The following FREM1 variants were observed in gnomAD, a reference collection of about 807,000 sequenced individuals.
FREM1 encodes the protein FRAS1 related extracellular matrix 1.
FREM1 carries 220 observed loss-of-function variants against 210.1 expected under a neutral mutation model. The ratio of observed to expected loss-of-function variants is 1.05; its 90% CI spans 0.94 to 1.17. FREM1 has a LOEUF of 1.17. FREM1 is among the 50% of genes most tolerant of loss of function. FREM1 has a pLI of 0.00. For synonymous variants in FREM1, 1,189 were observed against 980.2 expected (o/e 1.21, Z -3.98); for missense variants, 3,454 against 2,675.5 (o/e 1.29, Z -6.42).
At chr9:14,744,568 T>C (rs1396330981) in intron 35 of FREM1, among the ~76,000 whole-genome samples, 1 of 152,160 alleles carries the variant, frequency 6.6e-6, no homozygotes, top group Non-Finnish European at 1.5e-5. Context: ...CGCTTCAGTA[T>C]TTTATTCCAT....
At chr9:14,747,624 A>C in intron 32 of FREM1, 57 bp downstream of exon 32, 1 of 1,114,896 alleles carries the variant, frequency 9.0e-7, no homozygotes, top group Non-Finnish European at 1.3e-6. Flanking sequence ...TAATAGCTTC[A>C]TTAAATACTT....
rs185662290 is a variant in FREM1 at position 14,869,164 on chromosome 9, C to T, written c.-187G>A. 7.0e-5 allele frequency: 37 copies of T among 529,248 alleles called. No individual in the cohort carries two copies. The East Asian group carries it at 1.0e-3, about 15-fold the overall frequency. 32.8% of individuals were successfully genotyped at this position (529,248 alleles called of 1,614,324 possible). A position where few individuals can be genotyped will look rare whatever the true frequency, so the allele number is the denominator to read the frequency against. On this transcript the variant is annotated 5_prime_UTR_variant, in exon 2 of 37. Coordinates refer to ENST00000380880, the MANE Select transcript of FREM1 (RefSeq NM_001379081.2). ...CAGACAAGGGGGCCTTTCAGGCAATCCCAGGGCTTTTAATAAAACTCGCTG... is the reference window on the plus strand; with the variant it reads ...CAGACAAGGGGGCCTTTCAGGCAATTCCAGGGCTTTTAATAAAACTCGCTG...
chr9:14,804,836 G>C, intron 19 of FREM1, 120 bp downstream of exon 19: 4 of 659,816 alleles, frequency 6.1e-6, no homozygotes, highest in Non-Finnish European at 1.0e-5. Context: ...ACATAACATA[G>C]CCTTCCCCAC....
intron 1 of FREM1, among the ~76,000 whole-genome samples, chr9:14,881,456 A>T (rs1345897729): frequency 6.6e-6 from 1 of 152,248 alleles, no homozygotes; most frequent in Admixed American, 6.5e-5. Context: ...GTGTTTAATG[A>T]ATTCAAATAT....
chr9:14,790,725 C>T (rs888850353), intron 22 of FREM1: 2 of 152,222 alleles, frequency 1.3e-5, no homozygotes, highest in Admixed American at 6.5e-5. Flanking sequence ...TCCAGGAGGG[C>T]TGGAGTCCTG....
intron 25 of FREM1, among the ~76,000 whole-genome samples, chr9:14,772,712 A>G (rs890384104): frequency 6.6e-6 from 1 of 152,186 alleles, no homozygotes; most frequent in Admixed American, 6.5e-5. Flanking sequence ...TGGGTATTAA[A>G]TTGTCATTGT....
intron 1 of FREM1, among the ~76,000 whole-genome samples, chr9:14,897,048 T>C (rs1837866586): frequency 6.6e-6 from 1 of 152,176 alleles, no homozygotes; most frequent in Non-Finnish European, 1.5e-5. Flanking sequence ...CCTAAGAAAT[T>C]TTATGGTAAA....
At chr9:14,885,054 G>A (rs531864147) in intron 1 of FREM1, among the ~76,000 whole-genome samples, 8,017 of 119,068 alleles carry the variant, frequency 0.067, 1,275 homozygotes, top group African/African-American at 0.25. Flanking sequence ...CCCCCCGAGT[G>A]GCTGGGACTA....
chr9:14,895,130 T>G (rs1488041411), intron 1 of FREM1, among the ~76,000 whole-genome samples: 1 of 152,214 alleles, frequency 6.6e-6, no homozygotes, highest in Non-Finnish European at 1.5e-5. Context: ...TACAAACCCA[T>G]GGCCGGTCTC....
Position 14,770,763 on chromosome 9 carries a change from T to G in FREM1, c.4901A>C (p.His1634Pro). Residue 1634 changes from histidine (H) to proline (P), a missense_variant, in exon 26 of 37, where the codon CAT becomes CCT. Transcript: ENST00000380880. ...CAGGAGCCCCACTTGAGAAGGGGAA[T>G]GCAAGAGTGTGATACGAGGAGCTGT... The part of the protein sequence containing the change: ...DKTAPRITLL[H>P]SPSQVGLLKN... 4 of 1,613,424 alleles carry G rather than the reference T, an allele frequency of 2.5e-6. No homozygotes were observed. The highest frequency in any genetic ancestry group is 3.4e-6 in the Non-Finnish European group (4 of 1,179,636).
At chr9:14,819,752 T>C (rs1382776332) in intron 13 of FREM1, among the ~76,000 whole-genome samples, 2 of 152,254 alleles carry the variant, frequency 1.3e-5, no homozygotes, top group Non-Finnish European at 2.9e-5. Context: ...GCTGCTAAAC[T>C]GAGGAAATAA....
intron 16 of FREM1, 52 bp from the exon 17 acceptor site, chr9:14,808,186 C>T: frequency 1.6e-6 from 2 of 1,229,214 alleles, no homozygotes; most frequent in Admixed American, 4.8e-5. Context: ...TATAGAATAC[C>T]AAGATGAAAT....
In FREM1 at chr9:14,904,595, A is replaced by G. The variant is rs1588685015; in HGVS notation, c.-268+5319T>C. Among the ~76,000 whole-genome samples the G allele has an allele frequency of 5.3e-5, 8 of 152,322 alleles. No homozygotes were observed. The South Asian group carries it at 1.7e-3, about 32-fold the overall frequency. On this transcript the variant is annotated intron_variant, in intron 1 of 36. Coordinates refer to ENST00000380880, the MANE Select transcript of FREM1 (RefSeq NM_001379081.2). ...TGAAGGGGAGTGACTTGATGGTTCC[A>G]GGGTGCAGAACCAGGGAGAATGTGT...
chr9:14,859,830 T>C (rs1011990848), intron 3 of FREM1, among the ~76,000 whole-genome samples: 5 of 152,204 alleles, frequency 3.3e-5, no homozygotes, highest in Non-Finnish European at 7.3e-5. Context: ...ATTTCTGGAT[T>C]GACTTTTAAT....
Position 14,907,578 on chromosome 9 carries a change from G to A in FREM1, c.-268+2336C>T, listed in dbSNP as rs114047857. Among the ~76,000 whole-genome samples, 290 of 152,294 alleles carry A rather than the reference G, an allele frequency of 1.9e-3. 2 individuals carry two copies. The highest frequency in any genetic ancestry group is 6.7e-3 in the African/African-American group (277 of 41,562). Reference sequence around the variant, plus strand: ...AGGCTGCCCTCCTATGTAACCTGGCGCAGGGAAACAGCCTTTCCAGGGAGT... The same window carrying A: ...AGGCTGCCCTCCTATGTAACCTGGCACAGGGAAACAGCCTTTCCAGGGAGT... On this transcript the variant is annotated intron_variant, in intron 1 of 36. Coordinates refer to ENST00000380880, the MANE Select transcript of FREM1 (RefSeq NM_001379081.2).
intron 35 of FREM1, among the ~76,000 whole-genome samples, chr9:14,744,787 G>A (rs1289780326): frequency 6.6e-6 from 1 of 152,052 alleles, no homozygotes; most frequent in Admixed American, 6.6e-5. Flanking sequence ...AGGTCATAGG[G>A]TAGATGCATA....
At chr9:14,762,777 T>C (rs1845733580) in intron 27 of FREM1, among the ~76,000 whole-genome samples, 1 of 145,530 alleles carries the variant, frequency 6.9e-6, no homozygotes, top group African/African-American at 2.5e-5. Flanking sequence ...TTTTTGCTTT[T>C]TGCAGTAGTA....
At chr9:14,773,265 A>G (rs193265005) in intron 25 of FREM1, among the ~76,000 whole-genome samples, 39 of 152,310 alleles carry the variant, frequency 2.6e-4, no homozygotes, top group Non-Finnish European at 4.7e-4. Context: ...AAGATTTCCT[A>G]CCAAATGAAT....
chr9:14,905,240 A>T (rs895775436), intron 1 of FREM1, among the ~76,000 whole-genome samples: 2 of 152,180 alleles, frequency 1.3e-5, no homozygotes, highest in Non-Finnish European at 2.9e-5. Flanking sequence ...GACTAAATGC[A>T]AATACCAGAC....
Sources: allele counts gnomAD v4.1 joint callset (sites outside exome capture counted in the v4.1 genomes callset), GRCh38; gene constraint gnomAD v4.1.1; transcripts MANE v1.5; gene names NCBI Gene and HGNC (gene_info 2026-07-23, HGNC 2026-07-21).